The following SSR1 variants were observed in gnomAD, a reference collection of about 807,000 sequenced individuals.
SSR1 encodes signal sequence receptor subunit 1.
Under a neutral mutation model 36.1 loss-of-function variants are expected in SSR1, and 13 were observed. The ratio of observed to expected loss-of-function variants is 0.36; its 90% confidence interval spans 0.23 to 0.57. SSR1 has a LOEUF of 0.57. Ranked by LOEUF, SSR1 falls within the 20% of genes least tolerant of loss-of-function variation. SSR1 has a pLI of 0.81. For missense variants in SSR1, 291 were observed against 338.5 expected (o/e 0.86, Z 1.10); for synonymous variants, 113 against 118.9 (o/e 0.95, Z 0.32).
intron 4 of SSR1, 116 bp from the exon 5 acceptor site, chr6:7,298,939 G>A (rs750240674): frequency 2.6e-6 from 2 of 756,586 alleles, no homozygotes; most frequent in Admixed American, 4.9e-5. Flanking sequence ...CCATCACTTA[G>A]AAGACTCAAC....
chr6:7,307,550 AT>A (rs912935832), intron 2 of SSR1, among the ~76,000 whole-genome samples: 3 of 151,864 alleles, frequency 2.0e-5, no homozygotes, highest in Non-Finnish European at 4.4e-5. Flanking sequence ...TATTTATTTA[AT>A]TTTTTTTAGA....
rs1757467627 is a variant in SSR1 at position 7,283,138 on chromosome 6, G to C, written c.*6726C>G. On this transcript the variant is annotated 3_prime_UTR_variant, in exon 8 of 8. Transcript: ENST00000244763. ...TCTGTCACCCAGGCTGGAGTGCAGTGGTGCAACCTTGACTCACTACAACCT... is the reference window on the plus strand; with the variant it reads ...TCTGTCACCCAGGCTGGAGTGCAGTCGTGCAACCTTGACTCACTACAACCT... 6.6e-6 allele frequency: 1 copy of C among 152,172 alleles called. No individual in the cohort carries two copies. The highest frequency in any genetic ancestry group is 6.5e-5 in the Admixed American group (1 of 15,280). 9.4% of individuals were successfully genotyped at this position (152,172 alleles called of 1,614,324 possible). A position where few individuals can be genotyped will look rare whatever the true frequency, so the allele number is the denominator to read the frequency against.
At position 7,286,958 on chromosome 6, in the gene SSR1, G is replaced by C. The variant is rs1581623831; in HGVS notation, c.*2906C>G. The C allele has an allele frequency of 7.0e-6, 1 of 142,258 alleles. No individual in the cohort carries two copies. Among genetic ancestry groups the C allele is most frequent in the African/African-American group, 2.6e-5 (1 of 38,508 alleles). 8.8% of individuals were successfully genotyped at this position (142,258 alleles called of 1,614,324 possible). ...AAAAAAGTACTATGGAAGTACTTAA[G>C]TACATCTGAAAATGTTTTTAAATTT... On this transcript the variant is annotated 3_prime_UTR_variant, in exon 8 of 8. Coordinates refer to ENST00000244763, the MANE Select transcript of SSR1 (RefSeq NM_003144.5).
At position 7,281,610 on chromosome 6, in the gene SSR1, A is replaced by C. The variant is rs771178900; in HGVS notation, c.*8254T>G. 9 of 152,246 alleles carry C rather than the reference A, an allele frequency of 5.9e-5. No homozygotes were observed. The highest frequency in any genetic ancestry group is 7.3e-5 in the Non-Finnish European group (5 of 68,048). 9.4% of individuals were successfully genotyped at this position (152,246 alleles called of 1,614,324 possible). On this transcript the variant is annotated 3_prime_UTR_variant, in exon 8 of 8. Coordinates refer to ENST00000244763, the MANE Select transcript of SSR1 (RefSeq NM_003144.5). Reference sequence around the variant, plus strand: ...ATGTTCTCTGAGTTGTTAGATTTCAAAGTGAAGAGAACTGAAATCTCTTTT... The same window carrying C: ...ATGTTCTCTGAGTTGTTAGATTTCACAGTGAAGAGAACTGAAATCTCTTTT...
chr6:7,291,851 C>A (rs1757688519), intron 7 of SSR1, among the ~76,000 whole-genome samples: 1 of 151,876 alleles, frequency 6.6e-6, no homozygotes, highest in South Asian at 2.1e-4. Context: ...GTAGACAGAT[C>A]ACTTGAGCCC....
chr6:7,301,174 A>G (rs1422133112), intron 4 of SSR1, 136 bp downstream of exon 4: 3 of 1,089,942 alleles, frequency 2.8e-6, no homozygotes, highest in East Asian at 2.5e-5. Flanking sequence ...CGTGCAATTT[A>G]TCTTTGCTTC....
intron 6 of SSR1, 100 bp from the exon 7 acceptor site, chr6:7,295,585 C>T: frequency 1.3e-6 from 1 of 784,670 alleles, no homozygotes; most frequent in Non-Finnish European, 1.9e-6. Flanking sequence ...GCCCAGGCTG[C>T]CTGGAACTCC....
At chr6:7,312,958 AG>A in intron 1 of SSR1, 83 bp downstream of exon 1, 1 of 1,372,032 alleles carries the variant, frequency 7.3e-7, no homozygotes. Flanking sequence ...CAGGACCCGG[AG>A]CGGCCACCGC....
At position 7,313,167 on chromosome 6, in the gene SSR1, C is replaced by G. The variant is rs771617776; in HGVS notation, c.-47G>C. ...AGTTTCCGTCGGCTAAGGCTCTCGG[C>G]GGCTCCGGCGGTAATGGCGTTACTC... On this transcript the variant is annotated 5_prime_UTR_variant, in exon 1 of 8. Coordinates refer to ENST00000244763, the MANE Select transcript of SSR1 (RefSeq NM_003144.5). 2 of 1,533,668 alleles carry G rather than the reference C, an allele frequency of 1.3e-6. No homozygotes were observed. Among genetic ancestry groups the G allele is most frequent in the Non-Finnish European group, 8.8e-7 (1 of 1,131,820 alleles).
intron 7 of SSR1, among the ~76,000 whole-genome samples, chr6:7,291,780 T>C (rs918393170): frequency 1.8e-4 from 28 of 152,204 alleles, no homozygotes; most frequent in Admixed American, 1.4e-3. Flanking sequence ...CACTGTTATA[T>C]GCAGATGTGA....
intron 1 of SSR1, among the ~76,000 whole-genome samples, chr6:7,312,696 C>T (rs1321453145): frequency 6.6e-6 from 1 of 152,246 alleles, no homozygotes; most frequent in Non-Finnish European, 1.5e-5. Flanking sequence ...CGGAGCGCAG[C>T]CGTGTCCAGC....
Position 7,287,906 on chromosome 6 carries a change from A to C in SSR1, c.*1958T>G, listed in dbSNP as rs1757590682. On this transcript the variant is annotated 3_prime_UTR_variant, in exon 8 of 8. Coordinates refer to ENST00000244763, the MANE Select transcript of SSR1 (RefSeq NM_003144.5). ...TGGCATCTGAGGATTTAAGAGTTCA[A>C]CTGTTCTCAATCTATGCTAAAAAAA... The C allele has an allele frequency of 6.6e-6, 1 of 152,474 alleles. No homozygotes were observed. Among genetic ancestry groups the C allele is most frequent in the African/African-American group, 2.4e-5 (1 of 41,378 alleles). 9.4% of individuals were successfully genotyped at this position (152,474 alleles called of 1,614,324 possible).
intron 6 of SSR1, among the ~76,000 whole-genome samples, chr6:7,296,645 GGAGGGAAGGAAAGGAGGAGGGTGAGT>G (rs776735345): frequency 0.038 from 5,747 of 150,470 alleles, 257 homozygotes; most frequent in Admixed American, 0.092. Context: ...TTTGTAGGCT[GGAGGGAAGGAAAGGAGGAGGGTGAGT>G]GAGGGAAGGA....
chr6:7,295,153 A>T, intron 7 of SSR1: 1 of 1,499,150 alleles, frequency 6.7e-7, no homozygotes, highest in Non-Finnish European at 8.8e-7. Context: ...AACACAGAAA[A>T]TTCACACATT....
rs1757619799 is a variant in SSR1 at position 7,289,087 on chromosome 6, A to G, written c.*777T>C. ...CACACAACTGAGTGAGTAGGTCTAA[A>G]ATCACTCCAGAGCTACCTCTGGGTC... On this transcript the variant is annotated 3_prime_UTR_variant, in exon 8 of 8. Coordinates refer to ENST00000244763, the MANE Select transcript of SSR1 (RefSeq NM_003144.5). 1.3e-5 allele frequency: 2 copies of G among 152,184 alleles called. No individual in the cohort carries two copies. Among genetic ancestry groups the G allele is most frequent in the South Asian group, 4.1e-4 (2 of 4,826 alleles). 9.4% of individuals were successfully genotyped at this position (152,184 alleles called of 1,614,324 possible).
intron 2 of SSR1, among the ~76,000 whole-genome samples, chr6:7,307,739 C>T (rs913873487): frequency 1.1e-4 from 16 of 152,074 alleles, no homozygotes; most frequent in South Asian, 4.1e-4. Context: ...TTTGGCCAGG[C>T]GGTCTCAAAC....
Position 7,289,777 on chromosome 6 carries a change from G to C in SSR1, c.*87C>G, listed in dbSNP as rs547495609. ...ACAAGTAGGAGTTGCCTTCTATGGTGACATGGCTTCTCTGCACTAATTCCC... is the reference window on the plus strand; with the variant it reads ...ACAAGTAGGAGTTGCCTTCTATGGTCACATGGCTTCTCTGCACTAATTCCC... On this transcript the variant is annotated 3_prime_UTR_variant, in exon 8 of 8. Transcript: ENST00000244763. 8.9e-6 allele frequency: 11 copies of C among 1,230,696 alleles called. No homozygotes were observed. The Admixed American group carries it at 2.9e-4, about 33-fold the overall frequency. The allele number at this position is 1,230,696 out of a possible 1,614,324, so 76.2% of individuals were successfully genotyped here.
intron 7 of SSR1, among the ~76,000 whole-genome samples, chr6:7,291,787 G>A (rs1304497100): frequency 6.6e-6 from 1 of 152,148 alleles, no homozygotes; most frequent in African/African-American, 2.4e-5. Context: ...ATATGCAGAT[G>A]TGAGCTGGGC....
intron 3 of SSR1, among the ~76,000 whole-genome samples, chr6:7,301,940 G>A (rs1240401944): frequency 1.3e-5 from 2 of 152,102 alleles, no homozygotes; most frequent in Non-Finnish European, 2.9e-5. Context: ...TATCTGTGCA[G>A]GTAAATAGAA....
Sources: allele counts gnomAD v4.1 joint callset (sites outside exome capture counted in the v4.1 genomes callset), GRCh38; gene constraint gnomAD v4.1.1; transcripts MANE v1.5; gene names NCBI Gene and HGNC (gene_info 2026-07-23, HGNC 2026-07-21).